The following CYBRD1 variants were observed in gnomAD, a reference collection of about 807,000 sequenced individuals.
The protein encoded by CYBRD1 is plasma membrane ascorbate-dependent reductase CYBRD1.
Under a neutral mutation model 21.9 loss-of-function variants are expected in CYBRD1, and 14 were observed. The ratio of observed to expected loss-of-function variants is 0.64; its 90% CI spans 0.42 to 1.00. The LOEUF (loss-of-function observed/expected upper bound fraction) is 1.00, where lower values mean the gene tolerates loss of function less well. Among genes scored for constraint, CYBRD1 ranks in the 50% least tolerant of loss-of-function variants. The probability of loss-of-function intolerance (pLI) is 0.00; values close to 1 mark genes in which losing one functional copy is unlikely to be tolerated. For synonymous variants in CYBRD1, 146 were observed against 136.5 expected, an observed-to-expected ratio of 1.07 and a Z score of -0.48; for missense variants, 328 against 352.5, an observed-to-expected ratio of 0.93 and a Z score of 0.56.
At chr2:171,523,154 C>T (rs1218616919) in intron 1 of CYBRD1, 4 of 321,568 alleles carry the variant, frequency 1.2e-5, no homozygotes, top group African/African-American at 7.0e-5. Context: ...CGGAAAGTCG[C>T]CCCTGTGGAC....
chr2:171,544,538 AC>A (rs1697682047), intron 2 of CYBRD1, among the ~76,000 whole-genome samples: 1 of 152,298 alleles, frequency 6.6e-6, no homozygotes, highest in African/African-American at 2.4e-5. Context: ...AACCAAAAAA[AC>A]CCCAACAATA....
chr2:171,554,705 G>A lies in CYBRD1; in HGVS notation c.739G>A (p.Gly247Ser), dbSNP rs200587251. The A allele has an allele frequency of 9.9e-6, 16 of 1,614,022 alleles. No individual in the cohort carries two copies. The African/African-American group carries it at 1.3e-4, about 13-fold the overall frequency. ...TGGAGGCACTGAACAGGGAGCAAGAGGTTCCATGCCAGCCTACTCTGGCAA... is the reference window on the plus strand; with the variant it reads ...TGGAGGCACTGAACAGGGAGCAAGAAGTTCCATGCCAGCCTACTCTGGCAA... Reference protein sequence around the residue: ...PNGGTEQGARGSMPAYSGNNM... With the variant: ...PNGGTEQGARSSMPAYSGNNM... Residue 247 changes from glycine to serine, a missense_variant, in exon 4 of 4, where the codon GGT becomes AGT. Transcript: ENST00000321348.
chr2:171,547,602 A>T (rs753284956), intron 2 of CYBRD1, among the ~76,000 whole-genome samples: 9 of 152,070 alleles, frequency 5.9e-5, no homozygotes, highest in Non-Finnish European at 1.2e-4. Context: ...ACAGCTGAAA[A>T]ATTGGAGGAC....
intron 1 of CYBRD1, among the ~76,000 whole-genome samples, chr2:171,537,143 G>A (rs1333094852): frequency 1.3e-5 from 2 of 151,830 alleles, no homozygotes; most frequent in African/African-American, 4.8e-5. Flanking sequence ...GGACTCAATT[G>A]TGTGTGTGTG....
chr2:171,528,208 C>T (rs1697412452), intron 1 of CYBRD1, among the ~76,000 whole-genome samples: 5 of 152,116 alleles, frequency 3.3e-5, no homozygotes, highest in Admixed American at 1.3e-4. Flanking sequence ...GCCTCAGCCT[C>T]CAGAGTAGCT....
At chr2:171,549,479 A>G (rs11684782) in intron 2 of CYBRD1, among the ~76,000 whole-genome samples, 66,001 of 152,144 alleles carry the variant, frequency 0.43, 14,671 homozygotes, top group Non-Finnish European at 0.48. Flanking sequence ...AGAAAGATAT[A>G]AAGAAAAAAC....
At chr2:171,524,045 A>G (rs901398017) in intron 1 of CYBRD1, among the ~76,000 whole-genome samples, 4 of 152,170 alleles carry the variant, frequency 2.6e-5, no homozygotes, top group African/African-American at 7.2e-5. Context: ...CCTAAAGAAA[A>G]GTGATTTTGG....
intron 1 of CYBRD1, among the ~76,000 whole-genome samples, chr2:171,535,118 CAA>C (rs1028659910): frequency 2.0e-5 from 3 of 152,084 alleles, no homozygotes; most frequent in African/African-American, 7.2e-5. Context: ...AAGGATGAGA[CAA>C]AGTGATGGAG....
chr2:171,553,585 AAC>A, intron 3 of CYBRD1, 85 bp downstream of exon 3: 1 of 1,247,536 alleles, frequency 8.0e-7, no homozygotes, highest in Non-Finnish European at 1.1e-6. Flanking sequence ...ATAAAAATAT[AAC>A]AAAATTTTTT....
At chr2:171,547,708 A>C (rs566800663) in intron 2 of CYBRD1, among the ~76,000 whole-genome samples, 64 of 152,252 alleles carry the variant, frequency 4.2e-4, no homozygotes, top group African/African-American at 1.4e-3. Context: ...TCTTCTCTGA[A>C]GTTGCTTCTG....
chr2:171,548,780 AAAAAGAAAAC>A (rs1247864494), intron 2 of CYBRD1, among the ~76,000 whole-genome samples: 1 of 151,418 alleles, frequency 6.6e-6, no homozygotes, highest in Admixed American at 6.6e-5. Flanking sequence ...TAAAAAAAAA[AAAAAGAAAAC>A]AAAAGAAAAG....
At chr2:171,542,019 C>T (rs185263117) in intron 2 of CYBRD1, among the ~76,000 whole-genome samples, 10 of 151,822 alleles carry the variant, frequency 6.6e-5, no homozygotes, top group Non-Finnish European at 1.2e-4. Flanking sequence ...TACCCACCAT[C>T]GTGCCAGGCT....
chr2:171,522,402 C>G, upstream of CYBRD1: 2 of 1,500,320 alleles, frequency 1.3e-6, no homozygotes, highest in African/African-American at 1.4e-5. The surrounding 1 kb of genome is among the most constrained non-coding windows in gnomAD (Gnocchi z 4.3). Flanking sequence ...CATTCCGGGC[C>G]AGCAGCCCAG....
chr2:171,554,792 G>T lies in CYBRD1; in HGVS notation c.826G>T (p.Ala276Ser). ...AGTAGCAGCAAGGAAAAGAAACTTAGCTCTGGATGAGGCTGGGCAGAGATC... is the reference window on the plus strand; with the variant it reads ...AGTAGCAGCAAGGAAAAGAAACTTATCTCTGGATGAGGCTGGGCAGAGATC... ...SEVAARKRNLALDEAGQRSTM is the reference protein window; with the variant it reads ...SEVAARKRNLSLDEAGQRSTM Residue 276 changes from alanine to serine, a missense_variant, in exon 4 of 4, where the codon GCT becomes TCT. Ala to Ser is a moderately conservative substitution (Grantham distance 99). Coordinates refer to ENST00000321348, the MANE Select transcript of CYBRD1 (RefSeq NM_024843.4). 6.2e-7 allele frequency: 1 copy of T among 1,613,486 alleles called. No homozygotes were observed. The highest frequency in any genetic ancestry group is 8.5e-7 in the Non-Finnish European group (1 of 1,179,856).
At chr2:171,523,969 C>T (rs1011222155) in intron 1 of CYBRD1, among the ~76,000 whole-genome samples, 3 of 152,232 alleles carry the variant, frequency 2.0e-5, no homozygotes, top group African/African-American at 7.2e-5. Flanking sequence ...TGCGGGCAGG[C>T]TGCCTTTTCT....
chr2:171,523,589 T>TGCTCGGGATGCCCCC (rs1337808114), intron 1 of CYBRD1, among the ~76,000 whole-genome samples: 51 of 152,334 alleles, frequency 3.3e-4, no homozygotes, highest in African/African-American at 1.2e-3. Context: ...GGGATGCCTC[T>TGCTCGGGATGCCCCC]GCTCGGGATG....
At chr2:171,532,516 T>C (rs1697482460) in intron 1 of CYBRD1, among the ~76,000 whole-genome samples, 1 of 152,152 alleles carries the variant, frequency 6.6e-6, no homozygotes, top group Admixed American at 6.5e-5. Flanking sequence ...GTGCATTTTA[T>C]GGGCCTGGCA....
intron 1 of CYBRD1, among the ~76,000 whole-genome samples, chr2:171,527,223 A>C (rs931290800): frequency 6.6e-6 from 1 of 152,212 alleles, no homozygotes; most frequent in Non-Finnish European, 1.5e-5. Flanking sequence ...CAATTTTGTG[A>C]CCAAAACCAC....
At chr2:171,535,078 A>G (rs542187362) in intron 1 of CYBRD1, among the ~76,000 whole-genome samples, 5 of 152,310 alleles carry the variant, frequency 3.3e-5, no homozygotes, top group African/African-American at 1.2e-4. Context: ...AAGACATTTT[A>G]TAAGCTAAAA....
Sources: gnomAD v4.1 joint callset for allele counts (sites outside exome capture counted in the v4.1 genomes callset) on GRCh38, gnomAD v4.1.1 for gene constraint, Gnocchi (gnomAD v3.1) non-coding constraint, MANE v1.5 for transcripts, NCBI Gene and HGNC (gene_info 2026-07-23, HGNC 2026-07-21) for gene names.